The following KYAT1 variants were observed in gnomAD, a reference collection of about 807,000 sequenced individuals.
KYAT1 encodes kynurenine aminotransferase 1, also known as kynurenine--oxoglutarate transaminase 1.
A neutral mutation model predicts 52.4 loss-of-function variants in KYAT1; 47 were observed. The observed-to-expected ratio is 0.90, with a 90% CI of 0.71 to 1.14. The LOEUF (loss-of-function observed/expected upper bound fraction) is 1.14, where lower values mean the gene tolerates loss of function less well. Ranked by LOEUF, KYAT1 falls within the 50% of genes most tolerant of loss-of-function variation. The pLI is 0.00. For synonymous variants in KYAT1, 212 were observed against 209.6 expected (o/e 1.01, Z -0.10); for missense variants, 480 against 557.9 (o/e 0.86, Z 1.41).
At chr9:128,874,784 G>A (rs1305214195) in intron 1 of KYAT1, among the ~76,000 whole-genome samples, 1 of 149,896 alleles carries the variant, frequency 6.7e-6, no homozygotes, top group Non-Finnish European at 1.5e-5. Flanking sequence ...GAGTGCAGTG[G>A]CGTGATCTCG....
chr9:128,871,317 TAAAAC>T (rs200073072), intron 1 of KYAT1, among the ~76,000 whole-genome samples: 5 of 150,998 alleles, frequency 3.3e-5, no homozygotes, highest in African/African-American at 7.3e-5. Context: ...GACCTTGTCT[TAAAAC>T]AAAACAAAAC....
chr9:128,857,256 G>C (rs1257614913), intron 1 of KYAT1, among the ~76,000 whole-genome samples: 1 of 152,098 alleles, frequency 6.6e-6, no homozygotes, highest in African/African-American at 2.4e-5. Context: ...CATTCCTCTT[G>C]CTGAGATAAT....
intron 2 of KYAT1, among the ~76,000 whole-genome samples, chr9:128,843,916 G>C (rs1832656245): frequency 6.6e-6 from 1 of 152,206 alleles, no homozygotes; most frequent in South Asian, 2.1e-4. Context: ...GGCACATCTT[G>C]TTCCTGGACC....
At chr9:128,860,862 C>G (rs1359961473) in intron 1 of KYAT1, among the ~76,000 whole-genome samples, 1 of 152,046 alleles carries the variant, frequency 6.6e-6, no homozygotes, top group African/African-American at 2.4e-5. Context: ...TGCCTCCGGC[C>G]CACACGCATT....
intron 1 of KYAT1, among the ~76,000 whole-genome samples, chr9:128,848,318 CAAAAAAAA>C (rs56157823): frequency 2.7e-5 from 2 of 73,592 alleles, no homozygotes; most frequent in Non-Finnish European, 4.9e-5. Context: ...AGATATGTCT[CAAAAAAAA>C]AAAAAAAAAA....
At chr9:128,864,265 C>T (rs1835869718) in intron 1 of KYAT1, among the ~76,000 whole-genome samples, 1 of 148,374 alleles carries the variant, frequency 6.7e-6, no homozygotes, top group Admixed American at 7.0e-5. Flanking sequence ...GCTTGGAAGG[C>T]TGAGGCAGGA....
In KYAT1 at chr9:128,836,245, C is replaced by CCTT. The variant is rs1332823752; in HGVS notation, c.689-175_689-173dup. 5.3e-5 allele frequency: 27 copies of CCTT among 506,416 alleles called. No individual in the cohort carries two copies. In the East Asian group the frequency reaches 8.7e-4, roughly 16 times the overall value. 31.4% of individuals were successfully genotyped at this position (506,416 alleles called of 1,614,324 possible). On this transcript the variant is annotated intron_variant, in intron 7 of 12. Coordinates refer to ENST00000302586, the MANE Select transcript of KYAT1 (RefSeq NM_004059.5). ...CTTTCTTCCTTTCCTTTCCTTCCTT[C>CCTT]CTTCTTTCTCTCTCTCTCTCTCTCC...
intron 11 of KYAT1, 163 bp downstream of exon 11, chr9:128,835,160 A>G (rs920008651): frequency 1.5e-6 from 1 of 679,136 alleles, no homozygotes; most frequent in Non-Finnish European, 2.6e-6. Context: ...AGAAAGAAAA[A>G]AAGAAACAGC....
intron 1 of KYAT1, among the ~76,000 whole-genome samples, chr9:128,862,409 C>T (rs748738181): frequency 2.0e-5 from 3 of 152,276 alleles, no homozygotes; most frequent in Non-Finnish European, 2.9e-5. Flanking sequence ...GTGCTATCCT[C>T]ACCCTCATTA....
intron 3 of KYAT1, among the ~76,000 whole-genome samples, chr9:128,841,632 G>T (rs2119080823): frequency 6.8e-6 from 1 of 147,710 alleles, no homozygotes; most frequent in South Asian, 2.1e-4. Context: ...GGAGGGGGAG[G>T]TTGCAGTGAG....
intron 1 of KYAT1, among the ~76,000 whole-genome samples, chr9:128,854,184 A>G (rs1039475021): frequency 2.0e-5 from 3 of 152,254 alleles, no homozygotes; most frequent in African/African-American, 4.8e-5. Context: ...AAGAAGTAAT[A>G]GAACACTCAA....
intron 1 of KYAT1, among the ~76,000 whole-genome samples, chr9:128,868,735 C>A (rs1255127669): frequency 5.8e-5 from 8 of 137,940 alleles, no homozygotes; most frequent in Non-Finnish European, 1.1e-4. Context: ...GAGATGGAGT[C>A]TTGCTCTGTT....
At chr9:128,852,022 G>C (rs947201883) in intron 1 of KYAT1, among the ~76,000 whole-genome samples, 4 of 152,246 alleles carry the variant, frequency 2.6e-5, no homozygotes, top group Middle Eastern at 3.4e-3. Context: ...TACAGTGAAG[G>C]AGCAATTCAG....
chr9:128,845,072 C>T (rs933936502), intron 2 of KYAT1, among the ~76,000 whole-genome samples: 1 of 152,058 alleles, frequency 6.6e-6, no homozygotes, highest in African/African-American at 2.4e-5. Flanking sequence ...ACTTTTTCCT[C>T]CCCAACGCTC....
intron 11 of KYAT1, 156 bp downstream of exon 11, chr9:128,835,167 C>G (rs931280521): frequency 4.3e-5 from 30 of 689,938 alleles, no homozygotes; most frequent in South Asian, 3.2e-4. Context: ...AAAAAAGAAA[C>G]AGCCTCCTCA....
chr9:128,846,905 C>T (rs1312368667), intron 1 of KYAT1: 2 of 1,486,588 alleles, frequency 1.3e-6, no homozygotes, highest in Non-Finnish European at 1.8e-6. Flanking sequence ...CTCAGTTCCA[C>T]CTCGCTCAGT....
chr9:128,853,003 C>T (rs1374066590), intron 1 of KYAT1, among the ~76,000 whole-genome samples: 1 of 152,236 alleles, frequency 6.6e-6, no homozygotes, highest in African/African-American at 2.4e-5. Flanking sequence ...GTTCAAAATA[C>T]TGATCTTGCA....
chr9:128,847,764 C>T (rs1396777219), intron 1 of KYAT1: 3 of 456,024 alleles, frequency 6.6e-6, no homozygotes, highest in Non-Finnish European at 1.2e-5. Context: ...AACCCTGTTA[C>T]TCATATACAA....
intron 1 of KYAT1, chr9:128,847,628 TCC>T: frequency 1.6e-6 from 1 of 638,806 alleles, no homozygotes. Flanking sequence ...AGGACTTGGG[TCC>T]CCCACACACA....
Sources: allele counts gnomAD v4.1 joint callset (sites outside exome capture counted in the v4.1 genomes callset), GRCh38; gene constraint gnomAD v4.1.1; transcripts MANE v1.5; gene names NCBI Gene and HGNC (gene_info 2026-07-23, HGNC 2026-07-21).